The following DOCK3 variants were observed in gnomAD, a reference collection of about 807,000 sequenced individuals.
DOCK3 encodes dedicator of cytokinesis 3.
DOCK3 carries 60 observed loss-of-function variants against 265.6 expected under a neutral mutation model. The observed-to-expected ratio is 0.23, with a 90% CI of 0.18 to 0.28. The LOEUF is 0.28. Among genes scored for constraint, DOCK3 ranks in the 10% least tolerant of loss-of-function variants. The probability of loss-of-function intolerance (pLI) is 1.00; values close to 1 mark genes in which losing one functional copy is unlikely to be tolerated. For synonymous variants in DOCK3, 881 were observed against 938.0 expected, an observed-to-expected ratio of 0.94 and a Z score of 1.11; for missense variants, 1,981 against 2,594.3, an observed-to-expected ratio of 0.76 and a Z score of 5.14.
chr3:51,325,407 A>G (rs894386175), intron 32 of DOCK3, among the ~76,000 whole-genome samples: 4 of 152,200 alleles, frequency 2.6e-5, no homozygotes, highest in Admixed American at 6.5e-5. Context: ...AAAAATCAGG[A>G]AACAACAGAT....
rs544216648 is a variant in DOCK3, at chr3:50,906,157, C to T, written c.218+16076C>T. ...AAGCTTTTTGATGTGCTGCTGGATT[C>T]GGTTTGCCAGTATTTTATTGAGGAT... On this transcript the variant is annotated intron_variant, in intron 4 of 52. Coordinates refer to ENST00000266037, the MANE Select transcript of DOCK3 (RefSeq NM_004947.5). Among the ~76,000 whole-genome samples, 38 of 152,072 alleles carry T rather than the reference C, an allele frequency of 2.5e-4. 1 individual carries two copies. Among genetic ancestry groups the T allele is most frequent in the African/African-American group, 8.5e-4 (35 of 41,410 alleles).
chr3:51,209,326 C>G (rs1294907373), intron 13 of DOCK3, among the ~76,000 whole-genome samples: 2 of 152,178 alleles, frequency 1.3e-5, no homozygotes, highest in African/African-American at 4.8e-5. Flanking sequence ...CATTCTGAAA[C>G]TAGAATGGAA....
chr3:50,872,400 C>T (rs966044180), intron 3 of DOCK3, among the ~76,000 whole-genome samples: 25 of 152,254 alleles, frequency 1.6e-4, no homozygotes, highest in Non-Finnish European at 3.4e-4. Flanking sequence ...AGCAGTCTCT[C>T]TCTCTGTTTC....
At chr3:50,754,213 G>T (rs1043958757) in intron 1 of DOCK3, among the ~76,000 whole-genome samples, 1 of 147,296 alleles carries the variant, frequency 6.8e-6, no homozygotes, top group East Asian at 2.0e-4. Context: ...CAAATACTGC[G>T]TGTTTTCACT....
intron 9 of DOCK3, among the ~76,000 whole-genome samples, chr3:51,121,023 C>A (rs1041906529): frequency 2.0e-5 from 3 of 152,088 alleles, no homozygotes; most frequent in East Asian, 1.9e-4. Flanking sequence ...TGGAAAAAAA[C>A]AAACAAACAA....
rs536961643 is a variant in DOCK3, at chr3:51,370,527, G to A, written c.5294-3942G>A. Among the ~76,000 whole-genome samples, 26 of 152,320 alleles carry A rather than the reference G, an allele frequency of 1.7e-4. No homozygotes were observed. The South Asian group carries it at 5.0e-3, about 29-fold the overall frequency. Reference sequence around the variant, plus strand: ...GCTCTTGGGGACCTCACAGGCTGGCGGTTACCACCTTTTCCTTCCAGCCGT... The same window carrying A: ...GCTCTTGGGGACCTCACAGGCTGGCAGTTACCACCTTTTCCTTCCAGCCGT... On this transcript the variant is annotated intron_variant, in intron 49 of 52. Coordinates refer to ENST00000266037, the MANE Select transcript of DOCK3 (RefSeq NM_004947.5).
chr3:51,092,913 C>T (rs546503040), intron 9 of DOCK3, among the ~76,000 whole-genome samples: 6 of 152,284 alleles, frequency 3.9e-5, no homozygotes, highest in African/African-American at 7.2e-5. Context: ...CCAGTTTTCC[C>T]GACACCATTT....
intron 12 of DOCK3, among the ~76,000 whole-genome samples, chr3:51,183,443 G>A (rs1467506163): frequency 6.6e-6 from 1 of 152,048 alleles, no homozygotes; most frequent in East Asian, 1.9e-4. Context: ...AGAGTGAGAG[G>A]AAGAGGAATA....
At chr3:50,725,546 T>C (rs1484892385) in intron 1 of DOCK3, among the ~76,000 whole-genome samples, 1 of 152,196 alleles carries the variant, frequency 6.6e-6, no homozygotes, top group African/African-American at 2.4e-5. Context: ...TTTGGAACTC[T>C]GGTATCCAAT....
At chr3:50,790,621 T>C (rs1025352325) in intron 2 of DOCK3, among the ~76,000 whole-genome samples, 1 of 152,152 alleles carries the variant, frequency 6.6e-6, no homozygotes, top group Admixed American at 6.5e-5. Context: ...AATTGTTTTG[T>C]TTAAGGAGAC....
intron 7 of DOCK3, among the ~76,000 whole-genome samples, chr3:51,083,722 A>G (rs1260198356): frequency 6.6e-6 from 1 of 152,120 alleles, no homozygotes; most frequent in Non-Finnish European, 1.5e-5. Context: ...GTGGCTCATG[A>G]CTATAATCCC....
chr3:51,229,757 C>G, intron 19 of DOCK3, 148 bp downstream of exon 19: 1 of 500,672 alleles, frequency 2.0e-6, no homozygotes. Flanking sequence ...TCCTTTTCCT[C>G]TTTTGGTATG....
intron 2 of DOCK3, among the ~76,000 whole-genome samples, chr3:50,793,073 T>C (rs1290957522): frequency 6.6e-6 from 1 of 152,172 alleles, no homozygotes; most frequent in Admixed American, 6.5e-5. Flanking sequence ...TTTATTAAAA[T>C]TTAGTTTCAG....
At chr3:51,113,658 A>G (rs2083614180) in intron 9 of DOCK3, among the ~76,000 whole-genome samples, 1 of 152,202 alleles carries the variant, frequency 6.6e-6, no homozygotes, top group Non-Finnish European at 1.5e-5. Context: ...TGTCTCCATC[A>G]GTGATCTAAT....
chr3:50,961,790 C>A (rs555872044), intron 5 of DOCK3, among the ~76,000 whole-genome samples: 2 of 152,240 alleles, frequency 1.3e-5, no homozygotes, highest in Admixed American at 6.5e-5. Flanking sequence ...TATCCCCTTA[C>A]CTATCTTGGT....
intron 12 of DOCK3, among the ~76,000 whole-genome samples, chr3:51,193,184 T>C (rs1422563656): frequency 6.6e-6 from 1 of 152,238 alleles, no homozygotes; most frequent in Non-Finnish European, 1.5e-5. Flanking sequence ...AATATGATTT[T>C]TGTCCTTTAT....
At chr3:51,125,160 AAG>A (rs2084213571) in intron 9 of DOCK3, among the ~76,000 whole-genome samples, 1 of 152,044 alleles carries the variant, frequency 6.6e-6, no homozygotes, top group Non-Finnish European at 1.5e-5. Flanking sequence ...TTTTTATATT[AAG>A]AGAGAGTAAA....
intron 12 of DOCK3, among the ~76,000 whole-genome samples, chr3:51,182,639 A>G (rs1403456434): frequency 1.3e-5 from 2 of 152,182 alleles, no homozygotes; most frequent in African/African-American, 2.4e-5. Flanking sequence ...CTTATTGATT[A>G]TTATAATGTA....
intron 2 of DOCK3, among the ~76,000 whole-genome samples, chr3:50,792,031 G>T (rs1316324507): frequency 6.6e-6 from 1 of 151,754 alleles, no homozygotes; most frequent in Non-Finnish European, 1.5e-5. Context: ...CATTGAATCT[G>T]TAAATTGCTT....
Sources: gnomAD v4.1 joint callset for allele counts (sites outside exome capture counted in the v4.1 genomes callset) on GRCh38, gnomAD v4.1.1 for gene constraint, MANE v1.5 for transcripts, NCBI Gene and HGNC (gene_info 2026-07-23, HGNC 2026-07-21) for gene names.